EDNRB: variants seen among roughly 807,000 people sequenced by gnomAD.
EDNRB encodes endothelin receptor type B, also known as Hirschsprung disease 2.
A neutral mutation model predicts 46.4 loss-of-function variants in EDNRB; 18 were observed. The ratio of observed to expected loss-of-function variants is 0.39; its 90% CI spans 0.27 to 0.57. The LOEUF (loss-of-function observed/expected upper bound fraction) is 0.57. Among genes scored for constraint, EDNRB ranks in the 20% least tolerant of loss-of-function variants. EDNRB has a pLI of 0.61. For missense variants in EDNRB, 434 were observed against 537.5 expected (o/e 0.81, Z 1.90); for synonymous variants, 213 against 204.9 (o/e 1.04, Z -0.34).
At chr13:77,924,841 A>T (rs959901126) in intron 1 of EDNRB, among the ~76,000 whole-genome samples, 1 of 152,096 alleles carries the variant, frequency 6.6e-6, no homozygotes, top group Non-Finnish European at 1.5e-5. Context: ...GGTTTTAAAA[A>T]CGGGAGTTGT....
At chr13:77,930,053 A>G (rs1176624286) in intron 1 of EDNRB, among the ~76,000 whole-genome samples, 1 of 152,092 alleles carries the variant, frequency 6.6e-6, no homozygotes. Flanking sequence ...GTAGTTATGG[A>G]TTGATTGAAA....
intron 1 of EDNRB, among the ~76,000 whole-genome samples, chr13:77,928,665 A>G (rs9565372): frequency 0.56 from 84,627 of 151,890 alleles, 24,334 homozygotes; most frequent in Middle Eastern, 0.67. Flanking sequence ...TTTTTCCTTC[A>G]GAATTCCAGA....
At chr13:77,923,400 AT>A (rs1354117518), upstream of EDNRB, among the ~76,000 whole-genome samples, 4 of 152,170 alleles carry the variant, frequency 2.6e-5, no homozygotes, top group Non-Finnish European at 5.9e-5. Flanking sequence ...CTTTGAAAAG[AT>A]ATTAGAAATT....
At chr13:77,960,127 C>T (rs985813862) in intron 1 of EDNRB, among the ~76,000 whole-genome samples, 1 of 152,134 alleles carries the variant, frequency 6.6e-6, no homozygotes, top group Non-Finnish European at 1.5e-5. Context: ...GAATATTATC[C>T]AGGAGAACTT....
At chr13:77,900,047 A>T in intron 5 of EDNRB, 80 bp from the exon 6 acceptor site, 1 of 1,230,150 alleles carries the variant, frequency 8.1e-7, no homozygotes, top group African/African-American at 1.5e-5. Flanking sequence ...GTGCTTTTGT[A>T]AGGAAAAAAA....
upstream of EDNRB, among the ~76,000 whole-genome samples, chr13:77,921,170 A>G (rs1277999308): frequency 6.6e-6 from 1 of 152,188 alleles, no homozygotes. Context: ...TGAATGAGTT[A>G]TATGTTCTTT....
intron 1 of EDNRB, among the ~76,000 whole-genome samples, chr13:77,934,983 A>G (rs200288338): frequency 0.054 from 6,382 of 118,856 alleles, 484 homozygotes; most frequent in East Asian, 0.25. Flanking sequence ...GTGTGGTATC[A>G]GGAATAATGT....
In EDNRB at chr13:77,903,213, T is replaced by C. The variant is rs758280131; in HGVS notation, c.744A>G (p.Lys248=). Residue 248 remains lysine, a synonymous_variant, in exon 3 of 7, where the codon AAA becomes AAG. Transcript: ENST00000646607. The part of the protein sequence containing the change: ...IGFDIITMDY[K]GSYLRICLLH... The stretch of plus-strand genomic sequence containing the variant: ...GCAAGCAGATTCGCAGATAACTTCC[T>C]TTGTAGTCCATCGTAATTATATCAA... 6.2e-7 allele frequency: 1 copy of C among 1,613,004 alleles called. No individual in the cohort carries two copies. The highest frequency in any genetic ancestry group is 8.5e-7 in the Non-Finnish European group (1 of 1,179,330).
intron 1 of EDNRB, among the ~76,000 whole-genome samples, chr13:77,963,433 T>G (rs1382585204): frequency 6.6e-6 from 1 of 151,938 alleles, no homozygotes. Context: ...TATAGACCAG[T>G]GGAACAGAAC....
chr13:77,931,744 C>CAAAAAAAAAAAAAAAAAAAAAAAAAAA (rs67176737), intron 1 of EDNRB, among the ~76,000 whole-genome samples: 2 of 83,450 alleles, frequency 2.4e-5, no homozygotes, highest in South Asian at 4.2e-4. Context: ...ACTGTAGTAG[C>CAAAAAAAAAAAAAAAAAAAAAAAAAAA]AAAAAAAAAA....
chr13:77,928,556 C>A (rs561753614), intron 1 of EDNRB, among the ~76,000 whole-genome samples: 25 of 152,298 alleles, frequency 1.6e-4, no homozygotes, highest in African/African-American at 6.0e-4. Context: ...GAGGGATCAA[C>A]AATGTGTTTG....
In EDNRB at chr13:77,934,683, G is replaced by GA. The variant is rs945503289; in HGVS notation, c.-51-16060_-51-16059insT. Among the ~76,000 whole-genome samples the GA allele has an allele frequency of 3.3e-5, 5 of 150,994 alleles. No homozygotes were observed. In the East Asian group the frequency reaches 7.9e-4, roughly 24 times the overall value. ...CCTGAGCTTGATGTGTAGGAAAGGGGGGGGGGGGCCTGAATAGTCCCTGAG... is the reference window on the plus strand; with the variant it reads ...CCTGAGCTTGATGTGTAGGAAAGGGGAGGGGGGGGCCTGAATAGTCCCTGAG... On this transcript the variant is annotated intron_variant, in intron 1 of 7. Transcript: ENST00000646948.
intron 1 of EDNRB, among the ~76,000 whole-genome samples, chr13:77,950,064 G>A (rs1881046219): frequency 6.6e-6 from 1 of 152,098 alleles, no homozygotes; most frequent in Non-Finnish European, 1.5e-5. Flanking sequence ...GGTCCTAGCT[G>A]CCCCCAAAAT....
At chr13:77,936,358 C>T (rs1880564482) in intron 1 of EDNRB, among the ~76,000 whole-genome samples, 1 of 152,068 alleles carries the variant, frequency 6.6e-6, no homozygotes, top group Admixed American at 6.5e-5. Flanking sequence ...AGAGTATTGT[C>T]TAAGTTGGCA....
chr13:77,919,632 A>G (rs773661157), upstream of EDNRB: 1 of 1,584,636 alleles, frequency 6.3e-7, no homozygotes, highest in Non-Finnish European at 8.6e-7. Context: ...CTTCCCATCA[A>G]TCACCGCCAG....
chr13:77,908,257 T>G (rs925554776), intron 1 of EDNRB, among the ~76,000 whole-genome samples: 4 of 151,894 alleles, frequency 2.6e-5, no homozygotes, highest in African/African-American at 9.7e-5. Context: ...GAAGGCTTTG[T>G]GGAGACCCAG....
chr13:77,951,940 G>A (rs999179180), intron 1 of EDNRB, among the ~76,000 whole-genome samples: 3 of 152,098 alleles, frequency 2.0e-5, no homozygotes, highest in Non-Finnish European at 2.9e-5. Flanking sequence ...GGTCTCTTCA[G>A]TATCATCCAT....
upstream of EDNRB, chr13:77,918,945 T>C: frequency 8.7e-7 from 1 of 1,145,630 alleles, no homozygotes. The surrounding 1 kb of genome is among the most constrained non-coding windows in gnomAD (Gnocchi z 4.5). Flanking sequence ...CTCTTTCACG[T>C]AACGGGAGGA....
intron 1 of EDNRB, among the ~76,000 whole-genome samples, chr13:77,972,051 C>A (rs555786013): frequency 2.6e-5 from 4 of 152,196 alleles, no homozygotes; most frequent in Admixed American, 2.0e-4. Context: ...GCCTCCCTGT[C>A]GTGAGAGACA....
Sources: gnomAD v4.1 joint callset for allele counts (sites outside exome capture counted in the v4.1 genomes callset) on GRCh38, gnomAD v4.1.1 for gene constraint, Gnocchi (gnomAD v3.1) non-coding constraint, MANE v1.5 for transcripts, NCBI Gene and HGNC (gene_info 2026-07-23, HGNC 2026-07-21) for gene names.